Variants in USP15 observed in about 807,000 individuals in gnomAD.
USP15 encodes ubiquitin specific peptidase 15.
Under a neutral mutation model 127.1 loss-of-function variants are expected in USP15, and 18 were observed. The observed-to-expected ratio is 0.14, with a 90% CI of 0.10 to 0.21. The LOEUF (loss-of-function observed/expected upper bound fraction) is 0.21. USP15 is among the 10% of genes least tolerant of loss of function. USP15 has a pLI of 1.00. For missense variants in USP15, 805 were observed against 1,159.9 expected, an observed-to-expected ratio of 0.69 and a Z score of 4.44; for synonymous variants, 364 against 393.7, an observed-to-expected ratio of 0.92 and a Z score of 0.89.
At chr12:62,386,755 T>A (rs150606992) in intron 11 of USP15, among the ~76,000 whole-genome samples, 8 of 152,074 alleles carry the variant, frequency 5.3e-5, no homozygotes, top group Non-Finnish European at 1.0e-4. Context: ...TAAAGACTAT[T>A]AAGTATAGAT....
chr12:62,264,062 A>G (rs1424048324), intron 1 of USP15, among the ~76,000 whole-genome samples: 1 of 152,164 alleles, frequency 6.6e-6, no homozygotes, highest in African/African-American at 2.4e-5. Flanking sequence ...GTCTCGGCTC[A>G]CCGCAACCAC....
intron 21 of USP15, 113 bp downstream of exon 21, chr12:62,401,388 G>C (rs1565919087): frequency 2.9e-6 from 2 of 688,486 alleles, no homozygotes; most frequent in East Asian, 6.4e-5. Context: ...AGCAGCTTGA[G>C]TAGCTAAAAG....
intron 16 of USP15, 119 bp from the exon 17 acceptor site, chr12:62,391,697 C>A: frequency 1.0e-6 from 1 of 990,000 alleles, no homozygotes; most frequent in Non-Finnish European, 1.4e-6. Context: ...TTGCCCTAAT[C>A]ACCAGTACAA....
At chr12:62,302,523 C>A (rs1565834446) in intron 2 of USP15, among the ~76,000 whole-genome samples, 1 of 152,038 alleles carries the variant, frequency 6.6e-6, no homozygotes, top group Non-Finnish European at 1.5e-5. Flanking sequence ...TTGAATACAG[C>A]CAAACACAAA....
chr12:62,398,231 G>A (rs1428262999), intron 20 of USP15, among the ~76,000 whole-genome samples: 1 of 152,008 alleles, frequency 6.6e-6, no homozygotes, highest in African/African-American at 2.4e-5. Context: ...GGGCTCAAGC[G>A]ATCCTCCTAC....
At chr12:62,355,164 G>A (rs2066081090) in intron 7 of USP15, 167 bp from the exon 8 acceptor site, 1 of 557,064 alleles carries the variant, frequency 1.8e-6, no homozygotes, top group African/African-American at 1.9e-5. Context: ...AATTCAGGGT[G>A]AGTTATTTTT....
intron 7 of USP15, among the ~76,000 whole-genome samples, chr12:62,353,042 G>A (rs1309563545): frequency 6.6e-6 from 1 of 151,838 alleles, no homozygotes; most frequent in Non-Finnish European, 1.5e-5. Flanking sequence ...TTAGGGCCCA[G>A]ATTTTCATAT....
intron 6 of USP15, chr12:62,336,331 C>T: frequency 1.0e-6 from 1 of 985,410 alleles, no homozygotes; most frequent in Non-Finnish European, 1.2e-6. Context: ...CCCTCCTTCT[C>T]CCATCCCCTC....
chr12:62,323,027 G>A (rs1034127225), intron 5 of USP15, among the ~76,000 whole-genome samples: 31 of 152,026 alleles, frequency 2.0e-4, no homozygotes, highest in Non-Finnish European at 4.6e-4. Context: ...CATCATGTAG[G>A]CCAGCCGTAT....
chr12:62,401,160 TCA>T, intron 20 of USP15, 25 bp from the exon 21 acceptor site: 2 of 1,559,148 alleles, frequency 1.3e-6, no homozygotes, highest in Non-Finnish European at 1.8e-6. Flanking sequence ...ATCATTTTCG[TCA>T]CAGTGATTAT....
chr12:62,366,457 C>A (rs967206719), intron 8 of USP15, among the ~76,000 whole-genome samples: 1 of 152,134 alleles, frequency 6.6e-6, no homozygotes, highest in African/African-American at 2.4e-5. Context: ...AGGGCTGAGA[C>A]GATGGGGTTT....
At chr12:62,321,664 A>T in intron 5 of USP15, 55 bp downstream of exon 5, 1 of 1,389,032 alleles carries the variant, frequency 7.2e-7, no homozygotes, top group Non-Finnish European at 9.5e-7. Context: ...GGATTCACAA[A>T]CTTTAATAAT....
chr12:62,385,237 C>T (rs770224603), intron 11 of USP15, among the ~76,000 whole-genome samples: 7 of 151,816 alleles, frequency 4.6e-5, no homozygotes, highest in Non-Finnish European at 1.0e-4. Context: ...AAGTATAAAG[C>T]TCTTTGGCTA....
chr12:62,383,811 C>T, intron 9 of USP15, 29 bp from the exon 10 acceptor site: 1 of 1,603,512 alleles, frequency 6.2e-7, no homozygotes, highest in Non-Finnish European at 8.5e-7. Context: ...GTTCCTAGAA[C>T]TGATTTGATG....
intron 1 of USP15, among the ~76,000 whole-genome samples, chr12:62,266,789 T>C (rs916214777): frequency 6.6e-6 from 1 of 152,138 alleles, no homozygotes; most frequent in African/African-American, 2.4e-5. Flanking sequence ...ATTTGCTTGC[T>C]CATAGTTTAC....
At position 62,321,511 on chromosome 12, in the gene USP15, A is replaced by G; in HGVS notation, c.523A>G (p.Lys175Glu). ...IRKIFSIPDE[K>E]ETRLWNKYMS... is the part of the protein sequence containing the mutation. Reference sequence around the variant, plus strand: ...AAAAATCTTCAGTATTCCAGATGAAAAGGAGACCAGATTGTGGAACAAATA... The same window carrying G: ...AAAAATCTTCAGTATTCCAGATGAAGAGGAGACCAGATTGTGGAACAAATA... Residue 175 changes from lysine (K) to glutamate (E), a missense_variant, in exon 5 of 22, where the codon AAG becomes GAG. Transcript: ENST00000280377. 6.2e-7 allele frequency: 1 copy of G among 1,608,066 alleles called. No homozygotes were observed. Among genetic ancestry groups the G allele is most frequent in the Non-Finnish European group, 8.5e-7 (1 of 1,176,518 alleles).
intron 20 of USP15, among the ~76,000 whole-genome samples, chr12:62,397,601 G>A (rs2067533904): frequency 6.6e-6 from 1 of 150,926 alleles, no homozygotes; most frequent in Admixed American, 6.6e-5. Context: ...GCTCACGCCT[G>A]TGATCCCAAC....
Position 62,372,261 on chromosome 12 carries a change from T to C in USP15, c.916-9229T>C, listed in dbSNP as rs560397945. 5.3e-5 allele frequency among the ~76,000 whole-genome samples: 8 copies of C among 152,218 alleles called. No homozygotes were observed. The East Asian group carries it at 7.7e-4, about 15-fold the overall frequency. ...GAGCTACCTATATATGTATAATAACTCTTGGACCATATACGGTCCTGCAAA... is the reference window on the plus strand; with the variant it reads ...GAGCTACCTATATATGTATAATAACCCTTGGACCATATACGGTCCTGCAAA... On this transcript the variant is annotated intron_variant, in intron 8 of 21. Transcript: ENST00000280377.
intron 5 of USP15, among the ~76,000 whole-genome samples, chr12:62,321,997 A>G (rs1393835005): frequency 6.6e-6 from 1 of 152,204 alleles, no homozygotes; most frequent in Admixed American, 6.6e-5. Flanking sequence ...GTACACAAAA[A>G]CAAGCATAGA....
Sources: gnomAD v4.1 joint callset for allele counts (sites outside exome capture counted in the v4.1 genomes callset) on GRCh38, gnomAD v4.1.1 for gene constraint, MANE v1.5 for transcripts, NCBI Gene and HGNC (gene_info 2026-07-23, HGNC 2026-07-21) for gene names.